The following ZFP82 variants were observed in gnomAD, a reference collection of about 807,000 sequenced individuals.
The protein encoded by ZFP82 is ZFP82 zinc finger protein, also known as zinc finger protein 82 homolog.
A neutral mutation model predicts 54.0 loss-of-function variants in ZFP82; 30 were observed. The ratio of observed to expected loss-of-function variants is 0.56; its 90% CI spans 0.42 to 0.75. The LOEUF (loss-of-function observed/expected upper bound fraction) is 0.75, where lower values mean the gene tolerates loss of function less well. Among genes scored for constraint, ZFP82 ranks in the 30% least tolerant of loss-of-function variants. The pLI, the probability that ZFP82 is intolerant of heterozygous loss-of-function variation, is 0.00. For missense variants in ZFP82, 500 were observed against 636.8 expected (o/e 0.79, Z 2.31); for synonymous variants, 194 against 209.5 (o/e 0.93, Z 0.64).
At chr19:36,403,322 CAAAAA>C (rs138418003) in intron 4 of ZFP82, among the ~76,000 whole-genome samples, 1 of 65,512 alleles carries the variant, frequency 1.5e-5, no homozygotes. Flanking sequence ...GACTCCATCT[CAAAAA>C]AAAAAAAAAA....
rs772385216 is a variant in ZFP82, at chr19:36,393,138, T to C, written c.1202A>G (p.Lys401Arg). 43 of 1,613,882 alleles carry C rather than the reference T, an allele frequency of 2.7e-5. 2 individuals are homozygous for C. The South Asian group carries it at 4.6e-4, about 17-fold the overall frequency. The part of the protein sequence containing the change: ...EKPYECKECW[K>R]AFSRYSQLIS... ...AAGTTGTGAGTAGCGACTAAAGGCT[T>C]TCCAGCATTCCTTACATTCGTAAGG... Residue 401 changes from lysine (K) to arginine (R), a missense_variant, in exon 5 of 5, where the codon AAA becomes AGA. Coordinates refer to ENST00000392161, the MANE Select transcript of ZFP82 (RefSeq NM_133466.4).
chr19:36,407,138 G>A (rs1203601864), intron 3 of ZFP82, among the ~76,000 whole-genome samples: 2 of 147,094 alleles, frequency 1.4e-5, no homozygotes, highest in African/African-American at 5.0e-5. Flanking sequence ...GTGCAGTGGC[G>A]GGATCTCAGC....
chr19:36,402,510 G>C (rs550169755), intron 4 of ZFP82, among the ~76,000 whole-genome samples: 83 of 130,174 alleles, frequency 6.4e-4, no homozygotes, highest in African/African-American at 2.3e-3. Context: ...GAGGGAAAAA[G>C]CATGTTTTTC....
chr19:36,417,423 G>A (rs895514041), intron 1 of ZFP82, among the ~76,000 whole-genome samples: 4 of 152,148 alleles, frequency 2.6e-5, no homozygotes, highest in African/African-American at 9.7e-5. Flanking sequence ...GACATTTATG[G>A]AGAATGAAAC....
intron 1 of ZFP82, among the ~76,000 whole-genome samples, chr19:36,416,538 C>G (rs927117791): frequency 2.0e-5 from 3 of 151,904 alleles, no homozygotes; most frequent in African/African-American, 7.3e-5. Context: ...GGGCAGATCA[C>G]CTGAGGTCGG....
chr19:36,416,955 C>T (rs2032681749), intron 1 of ZFP82, among the ~76,000 whole-genome samples: 1 of 112,936 alleles, frequency 8.9e-6, no homozygotes. Flanking sequence ...GGCCTGTAAT[C>T]CCAGCTACTT....
chr19:36,409,707 AG>A, intron 2 of ZFP82, 73 bp downstream of exon 2: 1 of 1,521,028 alleles, frequency 6.6e-7, no homozygotes, highest in Non-Finnish European at 9.1e-7. Context: ...TCTGATAGTA[AG>A]GAAGTTTCAG....
intron 1 of ZFP82, among the ~76,000 whole-genome samples, chr19:36,416,128 C>T (rs73608374): frequency 0.015 from 2,251 of 152,270 alleles, 66 homozygotes; most frequent in African/African-American, 0.052. Flanking sequence ...TAGACAACAT[C>T]GATCACAAGC....
rs549146022 is a variant in ZFP82, at chr19:36,396,374, G to A, written c.230-2264C>T. 1.3e-4 allele frequency among the ~76,000 whole-genome samples: 20 copies of A among 152,166 alleles called. No individual in the cohort carries two copies. In the East Asian group the frequency reaches 2.3e-3, roughly 18 times the overall value. On this transcript the variant is annotated intron_variant, in intron 4 of 4. Transcript: ENST00000392161. ...TCTAAAAATAATAAATTGGCTGGGC[G>A]CAGTGGCTCACGCACATAATCCCAG...
intron 4 of ZFP82, 66 bp from the exon 5 acceptor site, chr19:36,394,176 G>A (rs755841052): frequency 7.4e-7 from 1 of 1,359,998 alleles, no homozygotes; most frequent in South Asian, 1.3e-5. Context: ...CATTTCTAAT[G>A]TAGAAATAAA....
In ZFP82 at chr19:36,389,165, G is replaced by A. The variant is rs1473456900; in HGVS notation, c.*3576C>T. Among the ~76,000 whole-genome samples, 1 of 151,450 alleles carries A rather than the reference G, an allele frequency of 6.6e-6. No individual in the cohort carries two copies. The highest frequency in any genetic ancestry group is 2.4e-5 in the African/African-American group (1 of 41,202). ...AGCGATTTTCCTGCCTCAGCCTCCC[G>A]AGTAGCTGGGACTACAGGCGTGCCA... On this transcript the variant is annotated 3_prime_UTR_variant, in exon 5 of 5. Transcript: ENST00000392161.
At chr19:36,386,109 C>T (rs1238346475), downstream of ZFP82, among the ~76,000 whole-genome samples, 1 of 152,232 alleles carries the variant, frequency 6.6e-6, no homozygotes, top group Non-Finnish European at 1.5e-5. Flanking sequence ...ACCCTGAAGG[C>T]ATTCTGGCGC....
rs546005572 is a variant in ZFP82 at position 36,400,598 on chromosome 19, T to C, written c.229+4982A>G. On this transcript the variant is annotated intron_variant, in intron 4 of 4. Transcript: ENST00000392161. ...TCTCCACCATCCTGAGCAACCTACC[T>C]GCACACATAACTACACTGTTTTTCC... 1.7e-4 allele frequency among the ~76,000 whole-genome samples: 26 copies of C among 152,292 alleles called. No individual in the cohort carries two copies. The South Asian group carries it at 5.2e-3, about 30-fold the overall frequency.
intron 3 of ZFP82, 79 bp from the exon 4 acceptor site, chr19:36,405,751 G>C: frequency 9.6e-7 from 1 of 1,038,766 alleles, no homozygotes; most frequent in East Asian, 2.6e-5. Flanking sequence ...CTTGGTTAAA[G>C]TATATGTCAA....
At chr19:36,385,416 G>C (rs71354195), downstream of ZFP82, among the ~76,000 whole-genome samples, 7,878 of 152,286 alleles carry the variant, frequency 0.052, 244 homozygotes, top group Non-Finnish European at 0.066. Flanking sequence ...GACTAAGACA[G>C]AAAATTGGTA....
At position 36,418,581 on chromosome 19, in the gene ZFP82, C is replaced by T. The variant is rs1461339571; in HGVS notation, c.-168G>A. 6.6e-6 allele frequency: 1 copy of T among 152,252 alleles called. No homozygotes were observed. Among genetic ancestry groups the T allele is most frequent in the Non-Finnish European group, 1.5e-5 (1 of 68,096 alleles). 9.4% of individuals were successfully genotyped at this position (152,252 alleles called of 1,614,324 possible). A position where few individuals can be genotyped will look rare whatever the true frequency, so the allele number is the denominator to read the frequency against. Reference sequence around the variant, plus strand: ...GGACTGCTCACTCGGGGCGCGAACCCGAGGCACAGCGATGCCCGAACGGAG... The same window carrying T: ...GGACTGCTCACTCGGGGCGCGAACCTGAGGCACAGCGATGCCCGAACGGAG... On this transcript the variant is annotated 5_prime_UTR_variant, in exon 1 of 5. Transcript: ENST00000392161.
At chr19:36,388,102 T>A (rs1475482021), downstream of ZFP82, among the ~76,000 whole-genome samples, 3 of 152,214 alleles carry the variant, frequency 2.0e-5, no homozygotes, top group Non-Finnish European at 4.4e-5. Context: ...GTTGCATTGT[T>A]CAAGTCAGGA....
At chr19:36,402,742 T>G (rs1600103882) in intron 4 of ZFP82, among the ~76,000 whole-genome samples, 1 of 152,146 alleles carries the variant, frequency 6.6e-6, no homozygotes, top group African/African-American at 2.4e-5. Flanking sequence ...ACGCCTGTAA[T>G]TCCAGTACTC....
rs1413253256 is a variant in ZFP82 at position 36,389,194 on chromosome 19, T to C, written c.*3547A>G. On this transcript the variant is annotated 3_prime_UTR_variant, in exon 5 of 5. Transcript: ENST00000392161. ...AGCTGGGACTACAGGCGTGCCACCA[T>C]GTCCAGCTAATTTTTGTATTTTTAG... Among the ~76,000 whole-genome samples the C allele has an allele frequency of 6.6e-6, 1 of 151,946 alleles. No individual in the cohort carries two copies. The highest frequency in any genetic ancestry group is 1.5e-5 in the Non-Finnish European group (1 of 67,974).
Sources: gnomAD v4.1 joint callset for allele counts (sites outside exome capture counted in the v4.1 genomes callset) on GRCh38, gnomAD v4.1.1 for gene constraint, MANE v1.5 for transcripts, NCBI Gene and HGNC (gene_info 2026-07-23, HGNC 2026-07-21) for gene names.